LOC122539214: variants seen among roughly 807,000 people sequenced by gnomAD.
chr19:52,666,215 GAC>G, the LOC122539214 span, among the ~76,000 whole-genome samples: 1 of 150,926 alleles, frequency 6.6e-6, no homozygotes, highest in Non-Finnish European at 1.5e-5. Context: ...GAGAGAAAGA[GAC>G]AGAGAGACAA....
chr19:52,682,078 C>A, the LOC122539214 span, among the ~76,000 whole-genome samples: 1 of 152,092 alleles, frequency 6.6e-6, no homozygotes, highest in Non-Finnish European at 1.5e-5. Flanking sequence ...GAATTCCCGA[C>A]CTCATGATTC....
chr19:52,680,726 C>G, the LOC122539214 span, among the ~76,000 whole-genome samples: 7 of 141,968 alleles, frequency 4.9e-5, no homozygotes, highest in Non-Finnish European at 9.0e-5. Context: ...CATTCTCCTG[C>G]CTCAGCCTCC....
chr19:52,655,472 C>A, the LOC122539214 span: 11 of 1,228,272 alleles, frequency 9.0e-6, no homozygotes, highest in East Asian at 1.6e-4. Flanking sequence ...AGCATGTATG[C>A]GGCAAAATCA....
chr19:52,684,540 ACT>A, the LOC122539214 span, among the ~76,000 whole-genome samples: 6 of 102,306 alleles, frequency 5.9e-5, no homozygotes, highest in African/African-American at 1.5e-4. Flanking sequence ...ATAGAGTGAG[ACT>A]CTGTCTAAAA....
the LOC122539214 span, among the ~76,000 whole-genome samples, chr19:52,677,029 C>T: frequency 2.7e-5 from 4 of 147,404 alleles, no homozygotes; most frequent in East Asian, 5.9e-4. Context: ...AACCAGAGAC[C>T]TTTGTTCACT....
At chr19:52,683,945 T>C in the LOC122539214 span, among the ~76,000 whole-genome samples, 61,784 of 151,820 alleles carry the variant, frequency 0.41, 12,885 homozygotes, top group Middle Eastern at 0.5. Flanking sequence ...TGCAGAAGGG[T>C]GTTTCTGGGC....
the LOC122539214 span, among the ~76,000 whole-genome samples, chr19:52,668,420 T>A: frequency 0.35 from 52,885 of 151,990 alleles, 9,783 homozygotes; most frequent in East Asian, 0.56. Context: ...TCCCAGTGCT[T>A]ATATCCATTA....
chr19:52,653,335 A>G, the LOC122539214 span: 8 of 1,260,644 alleles, frequency 6.3e-6, no homozygotes, highest in Non-Finnish European at 8.0e-6. Context: ...TCCAGTATGA[A>G]CTCTCTGATG....
At chr19:52,680,286 T>C in the LOC122539214 span, among the ~76,000 whole-genome samples, 1 of 152,108 alleles carries the variant, frequency 6.6e-6, no homozygotes, top group Non-Finnish European at 1.5e-5. Flanking sequence ...TGCAGGGACA[T>C]TTTCATCACC....
At chr19:52,655,428 C>A in the LOC122539214 span, 1 of 853,480 alleles carries the variant, frequency 1.2e-6, no homozygotes, top group South Asian at 1.6e-5. Flanking sequence ...ACAGGAGGAT[C>A]ATCACTGCAG....
At chr19:52,676,394 G>A in the LOC122539214 span, among the ~76,000 whole-genome samples, 2 of 152,128 alleles carry the variant, frequency 1.3e-5, no homozygotes, top group African/African-American at 2.4e-5. Context: ...GCCTCTGCCC[G>A]GCCGCCACCC....
the LOC122539214 span, among the ~76,000 whole-genome samples, chr19:52,684,654 T>C: frequency 6.6e-6 from 1 of 151,918 alleles, no homozygotes; most frequent in African/African-American, 2.4e-5. Context: ...CAGAGGGAAC[T>C]TCAGATGTGG....
the LOC122539214 span, among the ~76,000 whole-genome samples, chr19:52,687,608 TATA>T: frequency 3.3e-5 from 1 of 30,560 alleles, no homozygotes; most frequent in African/African-American, 4.0e-4. Flanking sequence ...TGTATATATA[TATA>T]ATGTGTATAT....
At chr19:52,670,384 T>C in the LOC122539214 span, among the ~76,000 whole-genome samples, 1 of 152,216 alleles carries the variant, frequency 6.6e-6, no homozygotes, top group Non-Finnish European at 1.5e-5. Context: ...GCAAGGGCCA[T>C]GTGCATCAGA....
At chr19:52,687,366 A>AATTTATATAGAT in the LOC122539214 span, among the ~76,000 whole-genome samples, 1 of 56,540 alleles carries the variant, frequency 1.8e-5, no homozygotes, top group South Asian at 4.2e-4. Context: ...TATAAATTAT[A>AATTTATATAGAT]ATATAAATTA....
the LOC122539214 span, chr19:52,674,331 A>G: frequency 6.6e-6 from 1 of 152,244 alleles, no homozygotes; most frequent in Non-Finnish European, 1.5e-5. Flanking sequence ...GAAATAACCA[A>G]TCAGGAAAAA....
chr19:52,664,481 G>A, the LOC122539214 span, among the ~76,000 whole-genome samples: 1 of 152,112 alleles, frequency 6.6e-6, no homozygotes, highest in Non-Finnish European at 1.5e-5. Flanking sequence ...GGGTGTCAAA[G>A]TGAGACCCCA....
At chr19:52,687,353 C>A in the LOC122539214 span, among the ~76,000 whole-genome samples, 1,275 of 18,032 alleles carry the variant, frequency 0.071, 38 homozygotes, top group African/African-American at 0.17. Context: ...ATTTATATAG[C>A]TATATAAATT....
At chr19:52,683,920 A>T in the LOC122539214 span, among the ~76,000 whole-genome samples, 1 of 152,104 alleles carries the variant, frequency 6.6e-6, no homozygotes, top group Non-Finnish European at 1.5e-5. Context: ...GAGACACAAC[A>T]CACAAAGTAA....
Sources: allele counts gnomAD v4.1 joint callset (sites outside exome capture counted in the v4.1 genomes callset), GRCh38; gene constraint gnomAD v4.1.1; transcripts MANE v1.5.